Variants in HECW1 observed in about 807,000 individuals in gnomAD.
HECW1 encodes the protein HECT, C2 and WW domain containing E3 ubiquitin protein ligase 1.
A neutral mutation model predicts 182.3 loss-of-function variants in HECW1; 61 were observed. The ratio of observed to expected loss-of-function variants is 0.33; its 90% CI spans 0.27 to 0.41. The LOEUF is 0.41. HECW1 is among the 10% of genes least tolerant of loss of function. HECW1 has a pLI of 1.00. For missense variants in HECW1, 1,739 were observed against 2,108.9 expected (o/e 0.82, Z 3.44); for synonymous variants, 859 against 832.6 (o/e 1.03, Z -0.55).
intron 7 of HECW1, among the ~76,000 whole-genome samples, chr7:43,401,457 C>A (rs1562935478): frequency 6.6e-6 from 1 of 151,944 alleles, no homozygotes. Flanking sequence ...AAGAAAACTT[C>A]CTTGAGCTGA....
intron 2 of HECW1, among the ~76,000 whole-genome samples, chr7:43,180,170 T>C (rs375155761): frequency 1.8e-5 from 2 of 112,712 alleles, no homozygotes; most frequent in African/African-American, 7.6e-5. Context: ...CACCAACTTA[T>C]AGCAGAGGTT....
intron 5 of HECW1, among the ~76,000 whole-genome samples, chr7:43,339,145 T>G (rs1301849364): frequency 1.3e-5 from 2 of 152,212 alleles, no homozygotes; most frequent in Non-Finnish European, 2.9e-5. Context: ...TTACCAGAGC[T>G]TCTTGTTTTT....
At chr7:43,429,728 A>G (rs1480632277) in intron 8 of HECW1, among the ~76,000 whole-genome samples, 2 of 152,230 alleles carry the variant, frequency 1.3e-5, no homozygotes, top group Admixed American at 6.5e-5. Flanking sequence ...TCCTCCAGGT[A>G]GAACTTTTAC....
At chr7:43,455,028 T>C (rs2077354427) in intron 12 of HECW1, among the ~76,000 whole-genome samples, 1 of 152,232 alleles carries the variant, frequency 6.6e-6, no homozygotes. Flanking sequence ...CGCTCAGACG[T>C]GAACACATTG....
intron 16 of HECW1, among the ~76,000 whole-genome samples, chr7:43,478,434 T>G (rs2078297371): frequency 6.6e-6 from 1 of 152,054 alleles, no homozygotes; most frequent in East Asian, 1.9e-4. Flanking sequence ...AAAAAAAAAG[T>G]GTTCATTGAA....
rs2152801869 is a variant in HECW1 at position 43,343,619 on chromosome 7, G to A, written c.461-17267G>A. On this transcript the variant is annotated intron_variant, in intron 5 of 29. Coordinates refer to ENST00000395891, the MANE Select transcript of HECW1 (RefSeq NM_015052.5). The stretch of plus-strand genomic sequence containing the variant: ...ACTCATCCTTTTTTATGGCTGCATA[G>A]TATTCCATGGTGTATATGTGCCACA... Among the ~76,000 whole-genome samples the A allele has an allele frequency of 2.0e-5, 3 of 151,844 alleles. No homozygotes were observed. The South Asian group carries it at 6.2e-4, about 32-fold the overall frequency.
chr7:43,384,580 C>A (rs1169663323), intron 6 of HECW1, among the ~76,000 whole-genome samples: 1 of 152,078 alleles, frequency 6.6e-6, no homozygotes, highest in Non-Finnish European at 1.5e-5. Context: ...GATGGGAATA[C>A]AACTTAGAAA....
intron 5 of HECW1, among the ~76,000 whole-genome samples, chr7:43,358,536 C>T (rs17172203): frequency 0.1 from 15,548 of 152,102 alleles, 1,045 homozygotes; most frequent in East Asian, 0.22. Flanking sequence ...AGCATCCAGG[C>T]ATCACCCAGG....
intron 2 of HECW1, chr7:43,118,640 T>A (rs962225384): frequency 2.0e-5 from 3 of 152,196 alleles, no homozygotes; most frequent in Admixed American, 2.0e-4. Context: ...CCTTGTGCCA[T>A]CAAAACTTAA....
chr7:43,157,798 C>T (rs546448741), intron 2 of HECW1, among the ~76,000 whole-genome samples: 1 of 152,138 alleles, frequency 6.6e-6, no homozygotes, highest in East Asian at 1.9e-4. Context: ...TGAGCTCAAG[C>T]GGTGCACCTG....
chr7:43,545,496 AG>A (rs2081523952), intron 26 of HECW1, among the ~76,000 whole-genome samples: 1 of 152,230 alleles, frequency 6.6e-6, no homozygotes, highest in Non-Finnish European at 1.5e-5. Context: ...TGCAAAGGTT[AG>A]GGCGCTGAGT....
intron 24 of HECW1, among the ~76,000 whole-genome samples, chr7:43,535,224 T>G (rs4534059): frequency 0.055 from 8,327 of 152,256 alleles, 565 homozygotes; most frequent in African/African-American, 0.15. Flanking sequence ...TGAGTCTTTT[T>G]GGGGCCTTTA....
intron 8 of HECW1, among the ~76,000 whole-genome samples, chr7:43,409,094 A>C (rs2075709668): frequency 6.6e-6 from 1 of 152,178 alleles, no homozygotes; most frequent in Non-Finnish European, 1.5e-5. Flanking sequence ...GAGAGCAAAG[A>C]TTTTTTATTA....
At chr7:43,134,711 A>G (rs1422280296) in intron 2 of HECW1, among the ~76,000 whole-genome samples, 1 of 105,868 alleles carries the variant, frequency 9.4e-6, no homozygotes, top group Admixed American at 8.6e-5. Flanking sequence ...CAATCTTTCA[A>G]TATTTGGGGG....
intron 3 of HECW1, among the ~76,000 whole-genome samples, chr7:43,257,812 C>T (rs753770945): frequency 4.6e-5 from 7 of 151,906 alleles, no homozygotes; most frequent in Non-Finnish European, 8.8e-5. Context: ...TATTTTGCCT[C>T]TCTATGTCTT....
chr7:43,520,928 G>C lies in HECW1; in HGVS notation c.4019+11807G>C, dbSNP rs111321716. On this transcript the variant is annotated intron_variant, in intron 24 of 29. Transcript: ENST00000395891. ...ATCAGGGCAACATCTTATTGTTCAG[G>C]TTTGCCCTCTGCAGCCAGCGTGGTT... Among the ~76,000 whole-genome samples the C allele has an allele frequency of 9.9e-3, 1,513 of 152,286 alleles. 8 individuals carry two copies. The highest frequency in any genetic ancestry group is 0.031 in the Middle Eastern group (9 of 294).
chr7:43,363,670 A>T (rs972894747), intron 6 of HECW1, among the ~76,000 whole-genome samples: 1 of 152,114 alleles, frequency 6.6e-6, no homozygotes, highest in Non-Finnish European at 1.5e-5. Flanking sequence ...ACACAATCCC[A>T]CAGGACTGTA....
chr7:43,264,863 A>T (rs1801603139), intron 3 of HECW1, among the ~76,000 whole-genome samples: 1 of 150,636 alleles, frequency 6.6e-6, no homozygotes, highest in Non-Finnish European at 1.5e-5. Context: ...AAAAAAAAAA[A>T]TTGCTATTGT....
chr7:43,459,447 A>G (rs12702044), intron 13 of HECW1, among the ~76,000 whole-genome samples: 26,472 of 152,054 alleles, frequency 0.17, 2,431 homozygotes, highest in Middle Eastern at 0.3. Flanking sequence ...CTGAAGTTTT[A>G]TTTTTTAATT....
Sources: gnomAD v4.1 joint callset for allele counts (sites outside exome capture counted in the v4.1 genomes callset) on GRCh38, gnomAD v4.1.1 for gene constraint, MANE v1.5 for transcripts, NCBI Gene and HGNC (gene_info 2026-07-23, HGNC 2026-07-21) for gene names.